RAB2A: variants seen among roughly 807,000 people sequenced by gnomAD.
The protein encoded by RAB2A is ras-related protein Rab-2A.
A neutral mutation model predicts 32.5 loss-of-function variants in RAB2A; 7 were observed. That is an observed-to-expected ratio of 0.22 (90% CI 0.12 to 0.40). The LOEUF (loss-of-function observed/expected upper bound fraction) is 0.40, where lower values mean the gene tolerates loss of function less well. RAB2A is among the 10% of genes least tolerant of loss of function. RAB2A has a pLI of 1.00. For synonymous variants in RAB2A, 79 were observed against 85.2 expected (o/e 0.93, Z 0.40); for missense variants, 108 against 260.7 (o/e 0.41, Z 4.03).
At chr8:60,536,962 A>G (rs909932076) in intron 1 of RAB2A, among the ~76,000 whole-genome samples, 4 of 152,214 alleles carry the variant, frequency 2.6e-5, no homozygotes, top group Non-Finnish European at 5.9e-5. Context: ...GTCCTCGTAA[A>G]TATCAATTAA....
At chr8:60,556,080 C>T (rs1402689319) in intron 1 of RAB2A, among the ~76,000 whole-genome samples, 3 of 152,072 alleles carry the variant, frequency 2.0e-5, no homozygotes, top group South Asian at 2.1e-4. Flanking sequence ...GACTGCAGGA[C>T]GTTATGTAAA....
intron 1 of RAB2A, among the ~76,000 whole-genome samples, chr8:60,532,717 C>T (rs961266840): frequency 6.6e-6 from 1 of 152,124 alleles, no homozygotes; most frequent in Non-Finnish European, 1.5e-5. Flanking sequence ...ACTTTGTTGC[C>T]TAGGCTGGTC....
At position 60,542,357 on chromosome 8, in the gene RAB2A, T is replaced by TA. The variant is rs1409521361; in HGVS notation, c.47-16494dup. On this transcript the variant is annotated intron_variant, in intron 1 of 7. Transcript: ENST00000262646. ...GGTGAAACCCCATCTCTACTAAAAATACAAAAAATTAGCCAGGCGTGGTGG... is the reference window on the plus strand; with the variant it reads ...GGTGAAACCCCATCTCTACTAAAAATAACAAAAAATTAGCCAGGCGTGGTGG... Among the ~76,000 whole-genome samples the TA allele has an allele frequency of 3.9e-5, 6 of 152,050 alleles. No homozygotes were observed. In the East Asian group the frequency reaches 9.7e-4, roughly 25 times the overall value.
chr8:60,517,379 C>A, intron 1 of RAB2A, 126 bp downstream of exon 1: 1 of 931,770 alleles, frequency 1.1e-6, no homozygotes, highest in Non-Finnish European at 1.5e-6. Flanking sequence ...CCGCGCCGCT[C>A]CATTTCCGCA....
rs146229713 is a variant in RAB2A at position 60,534,943 on chromosome 8, C to G, written c.46+17690C>G. On this transcript the variant is annotated intron_variant, in intron 1 of 7. Transcript: ENST00000262646. ...TTTTTTTTTCTTGCTTGGCCTTTCCCCCTATCCTTTCTGGCTTAAAGTTTC... is the reference window on the plus strand; with the variant it reads ...TTTTTTTTTCTTGCTTGGCCTTTCCGCCTATCCTTTCTGGCTTAAAGTTTC... Among the ~76,000 whole-genome samples the G allele has an allele frequency of 4.9e-3, 749 of 152,184 alleles. 7 individuals are homozygous for G. Among genetic ancestry groups the G allele is most frequent in the African/African-American group, 0.017 (696 of 41,514 alleles).
intron 6 of RAB2A, among the ~76,000 whole-genome samples, chr8:60,611,942 T>C (rs1441754818): frequency 6.6e-6 from 1 of 152,222 alleles, no homozygotes. Flanking sequence ...TGCTATGTTA[T>C]GCTGCAGCAA....
At chr8:60,618,970 A>G (rs987913500) in intron 7 of RAB2A, 3 of 152,690 alleles carry the variant, frequency 2.0e-5, no homozygotes, top group African/African-American at 7.2e-5. Flanking sequence ...ACTTTTATCC[A>G]CATGACCATA....
At chr8:60,607,397 C>G (rs1804251589) in intron 6 of RAB2A, among the ~76,000 whole-genome samples, 1 of 142,832 alleles carries the variant, frequency 7.0e-6, no homozygotes, top group Non-Finnish European at 1.5e-5. Flanking sequence ...CCACTGCACT[C>G]CAGCCTGGGC....
intron 3 of RAB2A, among the ~76,000 whole-genome samples, chr8:60,578,587 AT>A (rs1350257845): frequency 6.6e-6 from 1 of 152,230 alleles, no homozygotes; most frequent in African/African-American, 2.4e-5. Context: ...ATAAGAAAAA[AT>A]TCTTGTGAGA....
intron 6 of RAB2A, among the ~76,000 whole-genome samples, chr8:60,611,222 C>T (rs546235762): frequency 1.8e-4 from 28 of 152,290 alleles, no homozygotes; most frequent in African/African-American, 5.5e-4. Flanking sequence ...TCTCTAAACT[C>T]TCCTCTGATT....
At position 60,523,318 on chromosome 8, in the gene RAB2A, C is replaced by T. The variant is rs564197026; in HGVS notation, c.46+6065C>T. ...GACTACAGGCGCCCGCCACCACGCC[C>T]GGCTAATTTTTTGTATTTTTAGTGA... On this transcript the variant is annotated intron_variant, in intron 1 of 7. Coordinates refer to ENST00000262646, the MANE Select transcript of RAB2A (RefSeq NM_002865.3). 1.0e-3 allele frequency among the ~76,000 whole-genome samples: 152 copies of T among 151,542 alleles called. 1 individual carries two copies. Among genetic ancestry groups the T allele is most frequent in the Middle Eastern group, 3.4e-3 (1 of 294 alleles).
chr8:60,578,141 A>C (rs1455914323), intron 3 of RAB2A, among the ~76,000 whole-genome samples: 1 of 152,206 alleles, frequency 6.6e-6, no homozygotes, highest in African/African-American at 2.4e-5. Context: ...GATTCTCACA[A>C]ATCTTAATTT....
intron 6 of RAB2A, among the ~76,000 whole-genome samples, chr8:60,594,367 C>A (rs968277293): frequency 1.3e-5 from 2 of 152,068 alleles, no homozygotes; most frequent in Non-Finnish European, 2.9e-5. Flanking sequence ...AAAAAAAAAT[C>A]TTGAAAGCAG....
At chr8:60,615,425 A>G (rs1427574853) in intron 6 of RAB2A, among the ~76,000 whole-genome samples, 2 of 152,186 alleles carry the variant, frequency 1.3e-5, no homozygotes, top group African/African-American at 2.4e-5. Context: ...CTTAAAATGT[A>G]TTTTTGTACA....
intron 1 of RAB2A, among the ~76,000 whole-genome samples, chr8:60,527,529 A>G (rs1807411294): frequency 6.6e-6 from 1 of 152,156 alleles, no homozygotes. Context: ...TTATTAAACA[A>G]CCAGATTGGC....
chr8:60,574,498 A>G (rs1330153867), intron 3 of RAB2A, among the ~76,000 whole-genome samples: 1 of 152,232 alleles, frequency 6.6e-6, no homozygotes, highest in East Asian at 1.9e-4. Context: ...TGAAAAGGAA[A>G]GGTTAATATA....
chr8:60,585,732 A>C (rs1803835503), intron 5 of RAB2A, among the ~76,000 whole-genome samples: 2 of 152,238 alleles, frequency 1.3e-5, no homozygotes, highest in African/African-American at 2.4e-5. Context: ...ATTAATTAAC[A>C]AGATAAGGAA....
intron 6 of RAB2A, among the ~76,000 whole-genome samples, chr8:60,605,393 T>C (rs1804210505): frequency 6.6e-6 from 1 of 152,170 alleles, no homozygotes; most frequent in African/African-American, 2.4e-5. Context: ...GTGCTCCACA[T>C]AGAGTCCCCA....
intron 1 of RAB2A, among the ~76,000 whole-genome samples, chr8:60,527,912 A>G (rs1239612569): frequency 6.6e-6 from 1 of 152,204 alleles, no homozygotes; most frequent in East Asian, 1.9e-4. Flanking sequence ...TATGAGGAAG[A>G]CACCATTTTA....
Sources: allele counts gnomAD v4.1 joint callset (sites outside exome capture counted in the v4.1 genomes callset), GRCh38; gene constraint gnomAD v4.1.1; transcripts MANE v1.5; gene names NCBI Gene and HGNC (gene_info 2026-07-23, HGNC 2026-07-21).